The following FRMPD4 variants were observed in gnomAD, a reference collection of about 807,000 sequenced individuals.
The protein encoded by FRMPD4 is FERM and PDZ domain containing 4.
A neutral mutation model predicts 94.1 loss-of-function variants in FRMPD4; 22 were observed. The ratio of observed to expected loss-of-function variants is 0.23; its 90% CI spans 0.17 to 0.33. The LOEUF is 0.33. Ranked by LOEUF, FRMPD4 falls within the 10% of genes least tolerant of loss-of-function variation. The pLI is 1.00. For synonymous variants in FRMPD4, 631 were observed against 548.6 expected (o/e 1.15, Z -2.10); for missense variants, 1,111 against 1,339.9 (o/e 0.83, Z 2.67).
At chrX:12,119,037 C>A (rs1162341157) in intron 3 of FRMPD4, among the ~76,000 whole-genome samples, 1 of 110,957 alleles carries the variant, frequency 9.0e-6, no homozygotes, top group East Asian at 2.8e-4. Context: ...TTCAAATTCT[C>A]AACTGAGAGA....
intron 1 of FRMPD4, among the ~76,000 whole-genome samples, chrX:12,374,389 C>T (rs2056204626): frequency 8.9e-6 from 1 of 111,873 alleles, no homozygotes. Flanking sequence ...ATGATCCATG[C>T]CAGAATTATC....
At chrX:12,579,782 G>A (rs1021634275) in intron 2 of FRMPD4, among the ~76,000 whole-genome samples, 21 of 111,456 alleles carry the variant, frequency 1.9e-4, no homozygotes, top group African/African-American at 6.5e-4. Flanking sequence ...ACAGTCCAAA[G>A]GTATTGACAA....
rs547171833 is a variant in FRMPD4 at position 11,840,136 on chromosome X, T to C, written c.-161+17421T>C. Among the ~76,000 whole-genome samples the C allele has an allele frequency of 1.5e-4, 17 of 111,780 alleles. 1 individual carries two copies. The East Asian group carries it at 4.8e-3, about 31-fold the overall frequency. ...TGATGAGATTTTAATAGGGATTATA[T>C]TGAATCTGTAGATCAGTTTGGGGAG... On this transcript the variant is annotated intron_variant, in intron 1 of 18. Coordinates refer to the FRMPD4 transcript ENST00000640291.
chrX:12,196,539 A>C (rs765277448), intron 1 of FRMPD4, among the ~76,000 whole-genome samples: 1 of 110,548 alleles, frequency 9.0e-6, no homozygotes, highest in Non-Finnish European at 1.9e-5. Flanking sequence ...AGTTAACCTC[A>C]GTGTACATCT....
At chrX:12,020,128 ACT>A (rs2054624821) in intron 3 of FRMPD4, among the ~76,000 whole-genome samples, 1 of 110,787 alleles carries the variant, frequency 9.0e-6, no homozygotes, top group Admixed American at 9.6e-5. Flanking sequence ...ATCATTTATC[ACT>A]CTCTCTTGGG....
intron 3 of FRMPD4, among the ~76,000 whole-genome samples, chrX:11,901,568 C>T (rs2053938019): frequency 8.9e-6 from 1 of 112,119 alleles, no homozygotes; most frequent in African/African-American, 3.2e-5. Context: ...CATGCGTGTG[C>T]ATGTGTCTTT....
chrX:12,452,265 A>G (rs2057281532), intron 1 of FRMPD4, among the ~76,000 whole-genome samples: 1 of 112,478 alleles, frequency 8.9e-6, no homozygotes, highest in African/African-American at 3.2e-5. Context: ...AAATTTTTCA[A>G]AAATAATTTT....
intron 3 of FRMPD4, among the ~76,000 whole-genome samples, chrX:11,916,143 G>T (rs746453568): frequency 9.0e-6 from 1 of 110,685 alleles, no homozygotes; most frequent in South Asian, 3.9e-4. Flanking sequence ...GGTATTCCAG[G>T]CATGTGGAAC....
At chrX:12,419,432 T>TA (rs2056854037) in intron 1 of FRMPD4, among the ~76,000 whole-genome samples, 1 of 112,795 alleles carries the variant, frequency 8.9e-6, no homozygotes, top group Non-Finnish European at 1.9e-5. Flanking sequence ...TTATGTTTTA[T>TA]AAAAAGATAT....
intron 4 of FRMPD4, among the ~76,000 whole-genome samples, chrX:12,639,625 G>A (rs2059475529): frequency 8.9e-6 from 1 of 112,174 alleles, no homozygotes; most frequent in Admixed American, 9.4e-5. Context: ...CTATTTATAA[G>A]GTAGTCTGGA....
intron 1 of FRMPD4, among the ~76,000 whole-genome samples, chrX:12,435,424 C>A (rs1221373986): frequency 1.8e-5 from 2 of 111,328 alleles, no homozygotes; most frequent in Non-Finnish European, 3.8e-5. Context: ...ATGCTGACAG[C>A]AGATACTTTT....
chrX:12,506,763 C>T (rs1020833085), intron 2 of FRMPD4, among the ~76,000 whole-genome samples: 12 of 112,587 alleles, frequency 1.1e-4, no homozygotes, highest in African/African-American at 3.9e-4. Flanking sequence ...ATATGTCTTT[C>T]ATTCTAATCA....
Position 12,412,988 on chromosome X carries a change from AAC to A in FRMPD4, c.42-85686_42-85685del, listed in dbSNP as rs1555962784. ...ACTGATAGTCATAGTAAAAAAAAAA[AAC>A]ACACATTTATGGCACTGTATGTGCC... On this transcript the variant is annotated intron_variant, in intron 1 of 16. Transcript: ENST00000675598. Among the ~76,000 whole-genome samples, 4 of 111,427 alleles carry A rather than the reference AAC, an allele frequency of 3.6e-5. No individual in the cohort carries two copies. The East Asian group carries it at 1.1e-3, about 31-fold the overall frequency.
chrX:12,462,191 A>G (rs1362926181), intron 1 of FRMPD4, among the ~76,000 whole-genome samples: 1 of 111,928 alleles, frequency 8.9e-6, no homozygotes, highest in African/African-American at 3.2e-5. Flanking sequence ...ATTTGCCCAT[A>G]GGGAAGGATA....
chrX:12,316,069 A>G (rs760019668), intron 1 of FRMPD4, among the ~76,000 whole-genome samples: 2 of 112,454 alleles, frequency 1.8e-5, no homozygotes, highest in African/African-American at 6.5e-5. Flanking sequence ...CAATGTAAGC[A>G]TAGACCTCAA....
At chrX:12,430,606 G>A (rs1317480088) in intron 1 of FRMPD4, among the ~76,000 whole-genome samples, 1 of 111,885 alleles carries the variant, frequency 8.9e-6, no homozygotes, top group Non-Finnish European at 1.9e-5. Flanking sequence ...TTAACGCCTG[G>A]TTTTGCCTCT....
At chrX:12,616,547 C>T (rs1038865943) in intron 4 of FRMPD4, among the ~76,000 whole-genome samples, 5 of 112,240 alleles carry the variant, frequency 4.5e-5, no homozygotes, top group Admixed American at 2.8e-4. Flanking sequence ...AAGGAATGGT[C>T]TTACACAGGA....
chrX:12,404,203 A>G (rs2056641151), intron 1 of FRMPD4, among the ~76,000 whole-genome samples: 1 of 111,810 alleles, frequency 8.9e-6, no homozygotes, highest in African/African-American at 3.2e-5. Context: ...TCTTTTTTAC[A>G]TATACACAAT....
At chrX:12,715,999 C>CCGGGCG in intron 14 of FRMPD4, 70 bp from the exon 15 acceptor site, 1 of 337,362 alleles carries the variant, frequency 3.0e-6, no homozygotes, top group Non-Finnish European at 5.4e-6. Flanking sequence ...CAGAGACGAG[C>CCGGGCG]CTCCCACCCC....
Sources: allele counts gnomAD v4.1 joint callset (sites outside exome capture counted in the v4.1 genomes callset), GRCh38; gene constraint gnomAD v4.1.1; transcripts MANE v1.5; gene names NCBI Gene and HGNC (gene_info 2026-07-23, HGNC 2026-07-21).